The following FBXL17 variants were observed in gnomAD, a reference collection of about 807,000 sequenced individuals.
FBXL17 encodes the protein F-box and leucine rich repeat protein 17.
In FBXL17, 22 loss-of-function variants were observed where a neutral mutation model predicts 66.2. The ratio of observed to expected loss-of-function variants is 0.33; its 90% CI spans 0.24 to 0.47. The LOEUF (loss-of-function observed/expected upper bound fraction) is 0.47. Among genes scored for constraint, FBXL17 ranks in the 20% least tolerant of loss-of-function variants. The pLI, the probability that FBXL17 is intolerant of heterozygous loss-of-function variation, is 1.00. For missense variants in FBXL17, 878 were observed against 948.2 expected, an observed-to-expected ratio of 0.93 and a Z score of 0.97; for synonymous variants, 474 against 400.5, an observed-to-expected ratio of 1.18 and a Z score of -2.19.
At chr5:108,116,996 A>G (rs1750284707) in intron 6 of FBXL17, among the ~76,000 whole-genome samples, 1 of 152,172 alleles carries the variant, frequency 6.6e-6, no homozygotes, top group Non-Finnish European at 1.5e-5. Context: ...TTGTTATTTC[A>G]AGTGTATGAA....
chr5:108,185,969 A>C (rs994564354), intron 6 of FBXL17, 148 bp downstream of exon 6: 14 of 627,270 alleles, frequency 2.2e-5, no homozygotes, highest in Middle Eastern at 4.1e-4. Context: ...AAAAGTATAG[A>C]TCTAGATGGT....
intron 6 of FBXL17, among the ~76,000 whole-genome samples, chr5:108,089,579 T>A (rs1749112206): frequency 6.6e-6 from 1 of 152,306 alleles, no homozygotes; most frequent in South Asian, 2.1e-4. Context: ...TTGATGTCAA[T>A]TATAGGCTTT....
intron 6 of FBXL17, among the ~76,000 whole-genome samples, chr5:108,182,901 C>G (rs1040643210): frequency 6.6e-6 from 1 of 152,126 alleles, no homozygotes; most frequent in African/African-American, 2.4e-5. Flanking sequence ...ACTTAGATAA[C>G]TCATACAACG....
intron 4 of FBXL17, among the ~76,000 whole-genome samples, chr5:108,271,625 A>T (rs907398903): frequency 5.9e-5 from 9 of 152,228 alleles, no homozygotes; most frequent in African/African-American, 2.2e-4. Flanking sequence ...GTTGGGAAAT[A>T]CCTGCCAACA....
At chr5:108,079,344 G>T (rs1748677086) in intron 6 of FBXL17, among the ~76,000 whole-genome samples, 1 of 152,052 alleles carries the variant, frequency 6.6e-6, no homozygotes, top group African/African-American at 2.4e-5. Flanking sequence ...GGAGCAAAGT[G>T]ATCCTGAAAC....
At position 107,863,319 on chromosome 5, in the gene FBXL17, C is replaced by T. The variant is rs530923037; in HGVS notation, c.1966-1459G>A. ...TAGCATATTTTTGATACTATCCAGCCACTTGGCCTAGTTTCAGTTTATTAA... is the reference window on the plus strand; with the variant it reads ...TAGCATATTTTTGATACTATCCAGCTACTTGGCCTAGTTTCAGTTTATTAA... On this transcript the variant is annotated intron_variant, in intron 8 of 8. Transcript: ENST00000542267. Among the ~76,000 whole-genome samples, 195 of 151,422 alleles carry T rather than the reference C, an allele frequency of 1.3e-3. 9 individuals are homozygous for T. Among genetic ancestry groups the T allele is most frequent in the Non-Finnish European group, 2.4e-3 (161 of 67,672 alleles).
chr5:108,010,293 G>A (rs1754125804), intron 7 of FBXL17, among the ~76,000 whole-genome samples: 1 of 152,112 alleles, frequency 6.6e-6, no homozygotes, highest in South Asian at 2.1e-4. Context: ...AAATCAGAAG[G>A]TAATACCCAG....
intron 7 of FBXL17, among the ~76,000 whole-genome samples, chr5:107,966,257 G>A (rs192459047): frequency 1.3e-4 from 20 of 152,146 alleles, no homozygotes; most frequent in Middle Eastern, 3.4e-3. Flanking sequence ...CTGACTATCT[G>A]TATTTTGGAG....
At position 108,261,920 on chromosome 5, in the gene FBXL17, G is replaced by T. The variant is rs1443788425; in HGVS notation, c.1507-37692C>A. Among the ~76,000 whole-genome samples the T allele has an allele frequency of 2.6e-5, 4 of 151,730 alleles. No individual in the cohort carries two copies. The East Asian group carries it at 7.7e-4, about 29-fold the overall frequency. On this transcript the variant is annotated intron_variant, in intron 4 of 8. Transcript: ENST00000542267. ...ATTTTTAAAACGTTACTTTCCTGAAGACCAAACATATTAATAAATATTTAT... is the reference window on the plus strand; with the variant it reads ...ATTTTTAAAACGTTACTTTCCTGAATACCAAACATATTAATAAATATTTAT...
At chr5:108,380,249 C>T (rs2112666001) in intron 1 of FBXL17, among the ~76,000 whole-genome samples, 1 of 152,216 alleles carries the variant, frequency 6.6e-6, no homozygotes, top group East Asian at 1.9e-4. Context: ...TGGCGCAGTG[C>T]CTGATTATGG....
At chr5:108,148,776 T>C (rs17449723) in intron 6 of FBXL17, among the ~76,000 whole-genome samples, 18,092 of 152,210 alleles carry the variant, frequency 0.12, 1,286 homozygotes, top group East Asian at 0.16. Flanking sequence ...TCAGGCCAAG[T>C]GATTTCATCC....
At chr5:107,897,627 T>C (rs1399963799) in intron 7 of FBXL17, among the ~76,000 whole-genome samples, 1 of 152,098 alleles carries the variant, frequency 6.6e-6, no homozygotes, top group Non-Finnish European at 1.5e-5. Context: ...CCAAATGCAA[T>C]GTCTCTAATT....
chr5:108,284,570 G>A (rs573838039), intron 4 of FBXL17, among the ~76,000 whole-genome samples: 2 of 151,866 alleles, frequency 1.3e-5, no homozygotes, highest in South Asian at 2.1e-4. Context: ...TGGGAGGGGG[G>A]AAGATGATGA....
intron 6 of FBXL17, among the ~76,000 whole-genome samples, chr5:108,083,248 CACAG>C (rs1184189686): frequency 2.2e-5 from 3 of 135,540 alleles, no homozygotes; most frequent in Non-Finnish European, 4.6e-5. Context: ...CACACACACA[CACAG>C]AGAGAGAGAT....
intron 6 of FBXL17, among the ~76,000 whole-genome samples, chr5:108,118,754 C>G (rs1300611740): frequency 1.3e-5 from 2 of 152,194 alleles, no homozygotes; most frequent in Admixed American, 6.5e-5. Context: ...ACTTACCTCT[C>G]TAGACCCCTC....
At chr5:108,222,801 G>A (rs1460712270) in intron 5 of FBXL17, among the ~76,000 whole-genome samples, 1 of 149,980 alleles carries the variant, frequency 6.7e-6, no homozygotes, top group Non-Finnish European at 1.5e-5. Flanking sequence ...AGCCTCCCAA[G>A]TAGCTGGGAT....
chr5:107,946,255 TTATATATATATATATATATATATATATA>T lies in FBXL17; in HGVS notation c.1823-65104_1823-65077del, dbSNP rs55643516. On this transcript the variant is annotated intron_variant, in intron 7 of 8. Transcript: ENST00000542267. ...TATTATTACTTTTATCAATCTCATT[TTATATATATATATATATATATATATATA>T]TATATATATATATATATATATATAT... 4.3e-3 allele frequency among the ~76,000 whole-genome samples: 175 copies of T among 40,398 alleles called. 2 individuals carry two copies. The highest frequency in any genetic ancestry group is 0.015 in the Middle Eastern group (1 of 66). 26.5% of individuals were successfully genotyped at this position (40,398 alleles called of 152,430 possible).
At chr5:107,944,238 G>A (rs1751209382) in intron 7 of FBXL17, among the ~76,000 whole-genome samples, 1 of 152,088 alleles carries the variant, frequency 6.6e-6, no homozygotes, top group Non-Finnish European at 1.5e-5. Flanking sequence ...ACATCTGGTT[G>A]TCTTGCTAAG....
chr5:108,357,101 T>G (rs935097207), intron 3 of FBXL17, among the ~76,000 whole-genome samples: 2 of 151,578 alleles, frequency 1.3e-5, no homozygotes, highest in Admixed American at 6.6e-5. Context: ...ATTAAGAGAG[T>G]TGTAAATTGA....
Sources: gnomAD v4.1 joint callset for allele counts (sites outside exome capture counted in the v4.1 genomes callset) on GRCh38, gnomAD v4.1.1 for gene constraint, MANE v1.5 for transcripts, NCBI Gene and HGNC (gene_info 2026-07-23, HGNC 2026-07-21) for gene names.